REC114: variants seen among roughly 807,000 people sequenced by gnomAD.
The protein encoded by REC114 is REC114 meiotic recombination protein, also known as meiotic recombination protein REC114.
A neutral mutation model predicts 31.3 loss-of-function variants in REC114; 27 were observed. The observed-to-expected ratio is 0.86, with a 90% CI of 0.64 to 1.19. REC114 has a LOEUF of 1.19. Ranked by LOEUF, REC114 falls within the 50% of genes most tolerant of loss-of-function variation. The probability of loss-of-function intolerance (pLI) is 0.00; values close to 1 mark genes in which losing one functional copy is unlikely to be tolerated. For missense variants in REC114, 344 were observed against 326.9 expected (o/e 1.05, Z -0.40); for synonymous variants, 134 against 127.7 (o/e 1.05, Z -0.33).
chr15:73,457,104 GA>G (rs1480889152), intron 1 of REC114, among the ~76,000 whole-genome samples: 1 of 139,782 alleles, frequency 7.2e-6, no homozygotes, highest in Non-Finnish European at 1.5e-5. Context: ...AAGTTATTTG[GA>G]AACAGTTTGA....
At chr15:73,458,294 G>A (rs1567849979) in intron 1 of REC114, among the ~76,000 whole-genome samples, 1 of 152,146 alleles carries the variant, frequency 6.6e-6, no homozygotes, top group Non-Finnish European at 1.5e-5. Flanking sequence ...GGCCTAATTA[G>A]GGTAAATAGT....
At chr15:73,523,299 GGAA>G (rs371788484) in intron 2 of REC114, among the ~76,000 whole-genome samples, 13 of 151,900 alleles carry the variant, frequency 8.6e-5, no homozygotes, top group African/African-American at 2.9e-4. Context: ...GCCACATGAT[GGAA>G]GAAGATTTAT....
At chr15:73,487,607 G>C (rs1427542796) in intron 2 of REC114, among the ~76,000 whole-genome samples, 2 of 152,214 alleles carry the variant, frequency 1.3e-5, no homozygotes, top group Non-Finnish European at 2.9e-5. Context: ...TGGGCTCCAA[G>C]GGCCTGGAAG....
At chr15:73,509,581 C>T (rs973164896) in intron 2 of REC114, among the ~76,000 whole-genome samples, 13 of 147,250 alleles carry the variant, frequency 8.8e-5, no homozygotes, top group Admixed American at 3.4e-4. Flanking sequence ...TTAGGTCTAA[C>T]GTTTAAATCT....
At chr15:73,505,925 T>C (rs1296173576) in intron 2 of REC114, among the ~76,000 whole-genome samples, 5 of 152,204 alleles carry the variant, frequency 3.3e-5, no homozygotes, top group Non-Finnish European at 5.9e-5. Context: ...GCTCTTAGTT[T>C]GAAAGGCTCT....
At chr15:73,475,093 A>G (rs945466726) in intron 2 of REC114, among the ~76,000 whole-genome samples, 2 of 152,174 alleles carry the variant, frequency 1.3e-5, no homozygotes, top group African/African-American at 4.8e-5. Flanking sequence ...CTCCCTGCCA[A>G]TATCATGGGT....
intron 5 of REC114, among the ~76,000 whole-genome samples, chr15:73,559,190 G>T (rs1894528084): frequency 6.6e-6 from 1 of 152,168 alleles, no homozygotes; most frequent in African/African-American, 2.4e-5. Flanking sequence ...TTTGGGAAGT[G>T]AAAGAAATGT....
intron 1 of REC114, among the ~76,000 whole-genome samples, chr15:73,456,303 A>G (rs145594216): frequency 0.011 from 1,739 of 151,658 alleles, 29 homozygotes; most frequent in African/African-American, 0.04. Flanking sequence ...TTTCTCAGAC[A>G]TGCCCTAATT....
At chr15:73,453,968 G>A (rs1004830492) in intron 1 of REC114, among the ~76,000 whole-genome samples, 1 of 151,064 alleles carries the variant, frequency 6.6e-6, no homozygotes, top group African/African-American at 2.4e-5. Flanking sequence ...GGGTCTGTAG[G>A]GGAGTGGGGG....
intron 2 of REC114, among the ~76,000 whole-genome samples, chr15:73,530,740 A>G (rs946424300): frequency 3.2e-5 from 4 of 125,738 alleles, no homozygotes; most frequent in Admixed American, 8.6e-5. Flanking sequence ...CAATTCTCTT[A>G]TCATGGATTT....
chr15:73,522,519 T>C (rs920683807), intron 2 of REC114, among the ~76,000 whole-genome samples: 1 of 151,954 alleles, frequency 6.6e-6, no homozygotes, highest in Admixed American at 6.6e-5. Flanking sequence ...TCATATTTTG[T>C]GAGGTTTCAT....
chr15:73,487,352 G>A (rs1338015381), intron 2 of REC114, among the ~76,000 whole-genome samples: 1 of 152,166 alleles, frequency 6.6e-6, no homozygotes, highest in Admixed American at 6.5e-5. Context: ...CTCAAGGTAA[G>A]ATTCATCCTG....
intron 1 of REC114, among the ~76,000 whole-genome samples, chr15:73,449,719 A>G (rs1892817932): frequency 6.6e-6 from 1 of 152,194 alleles, no homozygotes; most frequent in Non-Finnish European, 1.5e-5. Flanking sequence ...GGTTGAAATG[A>G]AGGAAAAAAT....
At chr15:73,553,093 G>T (rs568615476) in intron 4 of REC114, among the ~76,000 whole-genome samples, 4 of 152,288 alleles carry the variant, frequency 2.6e-5, no homozygotes, top group African/African-American at 9.6e-5. Flanking sequence ...GGGATTACAA[G>T]CATGAGCCAC....
At position 73,553,967 on chromosome 15, in the gene REC114, G is replaced by A. The variant is rs577892363; in HGVS notation, c.547-2335G>A. On this transcript the variant is annotated intron_variant, in intron 4 of 5. Coordinates refer to ENST00000331090, the MANE Select transcript of REC114 (RefSeq NM_001042367.2). The stretch of plus-strand genomic sequence containing the variant: ...GCCAATTAGCCCCATCTGTAAAATG[G>A]TGAGATTAAAATGCTGTATAGAAAG... Among the ~76,000 whole-genome samples the A allele has an allele frequency of 4.1e-4, 62 of 152,272 alleles. 1 individual carries two copies. In the Middle Eastern group the frequency reaches 0.01, roughly 25 times the overall value.
intron 2 of REC114, among the ~76,000 whole-genome samples, chr15:73,488,513 A>T (rs1893402998): frequency 6.6e-6 from 1 of 152,202 alleles, no homozygotes; most frequent in Non-Finnish European, 1.5e-5. Context: ...TTTTGCTCAG[A>T]GATTTCTTCT....
intron 1 of REC114, among the ~76,000 whole-genome samples, chr15:73,459,521 C>T (rs949893488): frequency 1.2e-4 from 19 of 152,098 alleles, no homozygotes; most frequent in African/African-American, 4.6e-4. Context: ...CATGAGCCAC[C>T]GCGCCCGGCC....
chr15:73,541,358 G>A (rs1310014250), intron 3 of REC114, among the ~76,000 whole-genome samples: 1 of 152,070 alleles, frequency 6.6e-6, no homozygotes, highest in Non-Finnish European at 1.5e-5. Context: ...TCACATTTCA[G>A]TTGTTTCTGA....
intron 2 of REC114, among the ~76,000 whole-genome samples, chr15:73,494,993 A>C (rs1349335150): frequency 6.6e-6 from 1 of 152,122 alleles, no homozygotes; most frequent in African/African-American, 2.4e-5. Flanking sequence ...CTTTTATATG[A>C]ATTTCTTGTC....
Sources: gnomAD v4.1 joint callset for allele counts (sites outside exome capture counted in the v4.1 genomes callset) on GRCh38, gnomAD v4.1.1 for gene constraint, MANE v1.5 for transcripts, NCBI Gene and HGNC (gene_info 2026-07-23, HGNC 2026-07-21) for gene names.